The following MANBA variants were observed in gnomAD, a reference collection of about 807,000 sequenced individuals.
The protein encoded by MANBA is mannosidase beta.
In MANBA, 83 loss-of-function variants were observed where a neutral mutation model predicts 111.1. The observed-to-expected ratio is 0.75, with a 90% CI of 0.63 to 0.90. MANBA has a LOEUF of 0.90. Among genes scored for constraint, MANBA ranks in the 40% least tolerant of loss-of-function variants. MANBA has a pLI of 0.00. For missense variants in MANBA, 1,036 were observed against 1,069.0 expected, an observed-to-expected ratio of 0.97 and a Z score of 0.43; for synonymous variants, 370 against 378.7, an observed-to-expected ratio of 0.98 and a Z score of 0.27.
chr4:102,698,712 C>A (rs185131820), intron 5 of MANBA, among the ~76,000 whole-genome samples: 162 of 152,006 alleles, frequency 1.1e-3, no homozygotes, highest in Admixed American at 8.3e-3. Context: ...TTCCCTTGAT[C>A]TATATCTCTG....
At chr4:102,672,421 T>C (rs1731535856) in intron 8 of MANBA, among the ~76,000 whole-genome samples, 1 of 152,232 alleles carries the variant, frequency 6.6e-6, no homozygotes. Flanking sequence ...CAAAGTTCTA[T>C]TCCTTCAGTC....
intron 1 of MANBA, chr4:102,729,746 G>A (rs1452907577): frequency 7.5e-7 from 1 of 1,332,570 alleles, no homozygotes. Flanking sequence ...TGTTGATGTA[G>A]CTCTGGAACA....
chr4:102,690,999 C>T (rs528338290), intron 5 of MANBA: 530 of 163,546 alleles, frequency 3.2e-3, no homozygotes, highest in Non-Finnish European at 4.9e-3. Context: ...ACATAGACTT[C>T]CACTCTAAAA....
chr4:102,665,288 C>A (rs1731169234), intron 10 of MANBA: 1 of 198,638 alleles, frequency 5.0e-6, no homozygotes, highest in Non-Finnish European at 1.0e-5. Context: ...TGAAGCAAAG[C>A]AAACACTACC....
chr4:102,733,496 G>C (rs1245176052), intron 1 of MANBA, among the ~76,000 whole-genome samples: 1 of 152,098 alleles, frequency 6.6e-6, no homozygotes, highest in African/African-American at 2.4e-5. Flanking sequence ...TGGGGCTACA[G>C]ATGTATGCCA....
At chr4:102,726,232 G>GT (rs1722792435) in intron 2 of MANBA, among the ~76,000 whole-genome samples, 1 of 151,766 alleles carries the variant, frequency 6.6e-6, no homozygotes, top group Non-Finnish European at 1.5e-5. Flanking sequence ...ACTGAAAACA[G>GT]TATCTGTGCT....
chr4:102,632,956 T>A (rs2866408), intron 16 of MANBA, among the ~76,000 whole-genome samples: 83,113 of 151,576 alleles, frequency 0.55, 23,186 homozygotes, highest in African/African-American at 0.63. Context: ...AACCTCTCTT[T>A]GTGTGAGCAC....
chr4:102,702,880 C>G (rs1733123904), intron 5 of MANBA, among the ~76,000 whole-genome samples: 1 of 152,122 alleles, frequency 6.6e-6, no homozygotes, highest in African/African-American at 2.4e-5. Flanking sequence ...CTCTTTCTAG[C>G]CTCAACAGGG....
At chr4:102,752,138 T>C in intron 1 of MANBA, 1 of 770,956 alleles carries the variant, frequency 1.3e-6, no homozygotes, top group East Asian at 2.4e-5. Context: ...AGTGACCCTC[T>C]CTGGTCACAA....
chr4:102,678,819 C>T (rs1189550369), intron 7 of MANBA, among the ~76,000 whole-genome samples: 2 of 152,118 alleles, frequency 1.3e-5, no homozygotes, highest in East Asian at 1.9e-4. Context: ...CTGATAAATA[C>T]GGTACTCCTC....
chr4:102,735,523 A>C (rs1434100791), intron 1 of MANBA, among the ~76,000 whole-genome samples: 2 of 64,026 alleles, frequency 3.1e-5, no homozygotes, highest in East Asian at 3.3e-4. Context: ...GAAAATACCA[A>C]AAAAAAAAAA....
intron 1 of MANBA, among the ~76,000 whole-genome samples, chr4:102,750,215 A>G (rs529095007): frequency 6.6e-6 from 1 of 152,312 alleles, no homozygotes; most frequent in East Asian, 1.9e-4. Flanking sequence ...AACTTTTAGA[A>G]GAAGACATAC....
chr4:102,710,120 T>C (rs1376160640), intron 5 of MANBA, among the ~76,000 whole-genome samples: 1 of 152,102 alleles, frequency 6.6e-6, no homozygotes, highest in Admixed American at 6.5e-5. Context: ...ATGCCCACGT[T>C]CACCACTCCT....
At chr4:102,655,513 T>G (rs1450088182) in intron 12 of MANBA, among the ~76,000 whole-genome samples, 1 of 152,150 alleles carries the variant, frequency 6.6e-6, no homozygotes, top group Admixed American at 6.5e-5. Context: ...ACTTTTATGG[T>G]CAATTGATTT....
chr4:102,693,853 C>T (rs773800431), intron 5 of MANBA, among the ~76,000 whole-genome samples: 2 of 152,080 alleles, frequency 1.3e-5, no homozygotes, highest in Non-Finnish European at 2.9e-5. Flanking sequence ...ACAAAAAAAC[C>T]TCTGCCTCAC....
Position 102,671,391 on chromosome 4 carries a change from G to A in MANBA, c.1120C>T (p.Leu374Phe). The A allele has an allele frequency of 6.3e-7, 1 of 1,580,164 alleles. No individual in the cohort carries two copies. The highest frequency in any genetic ancestry group is 1.1e-5 in the South Asian group (1 of 90,330). ...GCATCCACAACAGACTGTAAAAGGA[G>A]CCGTAACCTGTAGAAGACATTTTAG... Reference protein sequence around the residue: ...QDRVTSELLRLLLQSVVDANM... With the variant: ...QDRVTSELLRFLLQSVVDANM... The change falls in exon 9 of 17, where the codon CTC (leucine) becomes TTC (phenylalanine). Residue 374 changes from leucine (L) to phenylalanine (F), a missense_variant. Physicochemically the swap from Leu to Phe is conservative, Grantham distance 22. Transcript: ENST00000647097.
chr4:102,687,800 G>C (rs978827728), intron 7 of MANBA, among the ~76,000 whole-genome samples: 1 of 152,150 alleles, frequency 6.6e-6, no homozygotes, highest in Non-Finnish European at 1.5e-5. Flanking sequence ...CAGTGTCTTA[G>C]TCACAGCTCT....
chr4:102,692,136 T>G (rs185761390), intron 5 of MANBA, among the ~76,000 whole-genome samples: 13 of 152,200 alleles, frequency 8.5e-5, no homozygotes. Context: ...TTATAAGAAT[T>G]GCTAAAGGTC....
chr4:102,658,147 A>G (rs1219291924), intron 11 of MANBA, among the ~76,000 whole-genome samples: 4 of 152,092 alleles, frequency 2.6e-5, no homozygotes, highest in Non-Finnish European at 5.9e-5. Context: ...AATCTTTTCA[A>G]TCATGTTTTG....
Sources: gnomAD v4.1 joint callset for allele counts (sites outside exome capture counted in the v4.1 genomes callset) on GRCh38, gnomAD v4.1.1 for gene constraint, MANE v1.5 for transcripts, NCBI Gene and HGNC (gene_info 2026-07-23, HGNC 2026-07-21) for gene names.